The following MAP3K20 variants were observed in gnomAD, a reference collection of about 807,000 sequenced individuals.
The protein encoded by MAP3K20 is mitogen-activated protein kinase kinase kinase 20, also known as HCCS-4.
Under a neutral mutation model 85.7 loss-of-function variants are expected in MAP3K20, and 40 were observed. The observed-to-expected ratio is 0.47, with a 90% CI of 0.36 to 0.61. The LOEUF (loss-of-function observed/expected upper bound fraction) is 0.61. Among genes scored for constraint, MAP3K20 ranks in the 20% least tolerant of loss-of-function variants. The pLI, the probability that MAP3K20 is intolerant of heterozygous loss-of-function variation, is 0.00. For missense variants in MAP3K20, 817 were observed against 961.7 expected, an observed-to-expected ratio of 0.85 and a Z score of 1.99; for synonymous variants, 325 against 327.7, an observed-to-expected ratio of 0.99 and a Z score of 0.09.
At chr2:173,092,981 T>A (rs1687344550) in intron 2 of MAP3K20, among the ~76,000 whole-genome samples, 1 of 152,116 alleles carries the variant, frequency 6.6e-6, no homozygotes, top group Admixed American at 6.5e-5. Context: ...GCATAACTCA[T>A]AAACCTGTAG....
At chr2:173,247,194 G>A (rs1231504447) in intron 16 of MAP3K20, among the ~76,000 whole-genome samples, 4 of 152,180 alleles carry the variant, frequency 2.6e-5, no homozygotes, top group African/African-American at 9.6e-5. Flanking sequence ...TTAAAAATTC[G>A]GCTTTTTACA....
At chr2:173,213,809 A>T (rs939748826) in intron 10 of MAP3K20, among the ~76,000 whole-genome samples, 13 of 152,270 alleles carry the variant, frequency 8.5e-5, no homozygotes, top group African/African-American at 2.4e-4. Context: ...GAAATATTAC[A>T]GGGCATGATC....
chr2:173,251,551 G>A (rs1192181293), intron 16 of MAP3K20, among the ~76,000 whole-genome samples: 2 of 152,278 alleles, frequency 1.3e-5, no homozygotes, highest in East Asian at 3.9e-4. Context: ...CAACATACAA[G>A]TACCTGCTGT....
intron 16 of MAP3K20, among the ~76,000 whole-genome samples, chr2:173,242,285 C>T (rs1209895684): frequency 6.6e-6 from 1 of 151,510 alleles, no homozygotes; most frequent in Non-Finnish European, 1.5e-5. Flanking sequence ...AAGTGATTCT[C>T]CTGCCTCAGA....
intron 2 of MAP3K20, among the ~76,000 whole-genome samples, chr2:173,140,606 T>A (rs933243967): frequency 6.6e-6 from 1 of 152,178 alleles, no homozygotes; most frequent in African/African-American, 2.4e-5. Flanking sequence ...CGCTTTGGCC[T>A]CCCAAAGTGC....
chr2:173,241,346 A>C (rs1419198953), intron 16 of MAP3K20, among the ~76,000 whole-genome samples: 2 of 152,150 alleles, frequency 1.3e-5, no homozygotes, highest in African/African-American at 4.8e-5. Flanking sequence ...GGCGCAGTGA[A>C]TCACACCTGT....
intron 2 of MAP3K20, among the ~76,000 whole-genome samples, chr2:173,163,204 G>C (rs955667415): frequency 6.6e-6 from 1 of 152,184 alleles, no homozygotes; most frequent in Non-Finnish European, 1.5e-5. Context: ...GCAGTTAGTT[G>C]TACAGATTAT....
In MAP3K20 at chr2:173,205,059, C is replaced by T. The variant is rs1190576696; in HGVS notation, c.744+1189C>T. Among the ~76,000 whole-genome samples, 11 of 148,382 alleles carry T rather than the reference C, an allele frequency of 7.4e-5. 1 individual carries two copies. Among genetic ancestry groups the T allele is most frequent in the African/African-American group, 1.8e-4 (7 of 39,948 alleles). ...CGGAGCTTGCAGTGAGCCAAGATTG[C>T]GCCACTGCACTCCAGCCTGGGTGAC... is the stretch of plus-strand genomic sequence containing the variant. On this transcript the variant is annotated intron_variant, in intron 9 of 19. Coordinates refer to ENST00000375213, the MANE Select transcript of MAP3K20 (RefSeq NM_016653.3).
intron 11 of MAP3K20, chr2:173,227,026 A>G (rs1330250843): frequency 1.0e-6 from 1 of 985,736 alleles, no homozygotes; most frequent in Non-Finnish European, 1.2e-6. Context: ...ATATTCCAGC[A>G]CAAAGTCCAC....
chr2:173,267,105 T>C lies in MAP3K20; in HGVS notation c.*355T>C, dbSNP rs1016199441. On this transcript the variant is annotated 3_prime_UTR_variant, in exon 20 of 20. Transcript: ENST00000375213. ...GAGGTCAACAAAAAAATCAAATTTT[T>C]AGGAAAAGATAAGATGAATGTTACT... 2 of 166,014 alleles carry C rather than the reference T, an allele frequency of 1.2e-5. No homozygotes were observed. Among genetic ancestry groups the C allele is most frequent in the African/African-American group, 4.8e-5 (2 of 42,094 alleles). The allele number at this position is 166,014 out of a possible 1,614,324, so 10.3% of individuals were successfully genotyped here.
At chr2:173,076,448 C>T (rs1686864420) in intron 1 of MAP3K20, among the ~76,000 whole-genome samples, 1 of 152,136 alleles carries the variant, frequency 6.6e-6, no homozygotes, top group African/African-American at 2.4e-5. Flanking sequence ...GCGAGGCCCC[C>T]AAATCAGGGT....
chr2:173,265,508 C>A (rs1187627497), intron 19 of MAP3K20, among the ~76,000 whole-genome samples: 1 of 152,234 alleles, frequency 6.6e-6, no homozygotes, highest in African/African-American at 2.4e-5. Flanking sequence ...CAAACAATCT[C>A]TAGCTGTCTC....
chr2:173,169,587 G>T (rs1689942013), intron 2 of MAP3K20, among the ~76,000 whole-genome samples: 1 of 151,880 alleles, frequency 6.6e-6, no homozygotes, highest in Admixed American at 6.6e-5. Flanking sequence ...GAGTGTAGTG[G>T]TGTGTGCCTG....
intron 2 of MAP3K20, among the ~76,000 whole-genome samples, chr2:173,126,224 T>A (rs538699037): frequency 6.6e-6 from 1 of 152,316 alleles, no homozygotes; most frequent in South Asian, 2.1e-4. Flanking sequence ...AATTAGAGTA[T>A]TTTAGAGTTT....
At chr2:173,229,661 TTTC>T (rs1169886192) in intron 11 of MAP3K20, 25 bp from the exon 12 acceptor site, 13 of 1,613,444 alleles carry the variant, frequency 8.1e-6, no homozygotes, top group Non-Finnish European at 1.1e-5. Context: ...TACTTTTTTT[TTTC>T]ATTTCATGCA....
chr2:173,266,194 G>GA lies in MAP3K20; in HGVS notation c.1848dup (p.Arg617ThrfsTer7), dbSNP rs781360129. The GA allele has an allele frequency of 2.5e-6, 4 of 1,613,968 alleles. No individual in the cohort carries two copies. Among genetic ancestry groups the GA allele is most frequent in the Non-Finnish European group, 3.4e-6 (4 of 1,180,020 alleles). ...CAGGATTCCTACGCTGCTGCTGTGA[G>GA]ACGGCCCCAGGTGCCCATTAAGTAT... On this transcript the variant is annotated frameshift_variant, in exon 20 of 20. Transcript: ENST00000375213. LOFTEE classifies it low-confidence loss of function (END_TRUNC).
At chr2:173,252,915 T>A (rs1685072198) in intron 16 of MAP3K20, among the ~76,000 whole-genome samples, 1 of 152,236 alleles carries the variant, frequency 6.6e-6, no homozygotes, top group Non-Finnish European at 1.5e-5. Flanking sequence ...AGGTCAGAAT[T>A]GGTGTTATAT....
rs1685413387 is a variant in MAP3K20, at chr2:173,266,113, A to G, written c.1766A>G (p.Gln589Arg). The stretch of plus-strand genomic sequence containing the variant: ...CAGATTGCATCCAACACTTCTTTAC[A>G]GCGTTCCCAGAGCAATCCTATTCTG... ...MRQIASNTSLQRSQSNPILGS... is the reference protein window; with the variant it reads ...MRQIASNTSLRRSQSNPILGS... The change falls in exon 20 of 20, where the codon CAG (glutamine) becomes CGG (arginine). Residue 589 changes from glutamine to arginine, a missense_variant. Coordinates refer to ENST00000375213, the MANE Select transcript of MAP3K20 (RefSeq NM_016653.3). 4 of 1,609,992 alleles carry G rather than the reference A, an allele frequency of 2.5e-6. No homozygotes were observed. The highest frequency in any genetic ancestry group is 1.3e-5 in the African/African-American group (1 of 74,858).
At chr2:173,124,475 G>T (rs1688385411) in intron 2 of MAP3K20, among the ~76,000 whole-genome samples, 1 of 152,140 alleles carries the variant, frequency 6.6e-6, no homozygotes, top group South Asian at 2.1e-4. Context: ...GGGGCGGTGG[G>T]GGTTGGTTGG....
Sources: allele counts gnomAD v4.1 joint callset (sites outside exome capture counted in the v4.1 genomes callset), GRCh38; gene constraint gnomAD v4.1.1; transcripts MANE v1.5; gene names NCBI Gene and HGNC (gene_info 2026-07-23, HGNC 2026-07-21).